SSPN: variants seen among roughly 807,000 people sequenced by gnomAD.
SSPN encodes sarcospan.
A neutral mutation model predicts 19.1 loss-of-function variants in SSPN; 15 were observed. The ratio of observed to expected loss-of-function variants is 0.78; its 90% CI spans 0.52 to 1.21. The LOEUF is 1.21. SSPN is among the 50% of genes most tolerant of loss of function. The pLI is 0.00. For synonymous variants in SSPN, 147 were observed against 140.3 expected (o/e 1.05, Z -0.34); for missense variants, 291 against 314.0 (o/e 0.93, Z 0.55).
chr12:26,124,827 C>CAAT, intron 1 of SSPN: 1 of 1,592,948 alleles, frequency 6.3e-7, no homozygotes, highest in Non-Finnish European at 8.6e-7. Flanking sequence ...GGGCTCTGTA[C>CAAT]AATAATCTGT....
At chr12:26,122,716 G>C (rs779912772) in intron 1 of SSPN, 1 of 1,590,168 alleles carries the variant, frequency 6.3e-7, no homozygotes. Flanking sequence ...GGAGGCTCCT[G>C]CTTGATGGTG....
intron 1 of SSPN, among the ~76,000 whole-genome samples, chr12:26,185,420 G>T (rs1451388996): frequency 6.6e-6 from 1 of 152,162 alleles, no homozygotes; most frequent in Non-Finnish European, 1.5e-5. Flanking sequence ...TTAGTATTGA[G>T]GTCTGCTGTC....
Position 26,140,527 on chromosome 12 carries a change from A to G in SSPN, c.-31+18375A>G, listed in dbSNP as rs1944454254. Among the ~76,000 whole-genome samples the G allele has an allele frequency of 4.6e-5, 7 of 152,160 alleles. No homozygotes were observed. In the South Asian group the frequency reaches 1.4e-3, roughly 31 times the overall value. ...TGTCCCCGCCCAAATCTCATGTTGA[A>G]TTGTAATCCCCAGTATTGGAAAAGG... is the stretch of plus-strand genomic sequence containing the variant. On this transcript the variant is annotated intron_variant, in intron 1 of 2. Transcript: ENST00000538142.
chr12:26,180,015 T>C (rs1944709365), intron 1 of SSPN: 1 of 147,178 alleles, frequency 6.8e-6, no homozygotes, highest in Non-Finnish European at 1.5e-5. Context: ...TGCCCTGGCT[T>C]GAGGATGTGC....
chr12:26,202,586 T>G (rs1027510804), intron 1 of SSPN, among the ~76,000 whole-genome samples: 3 of 152,218 alleles, frequency 2.0e-5, no homozygotes, highest in Admixed American at 2.0e-4. Flanking sequence ...TGGCATAGGT[T>G]TCTCTAATGT....
chr12:26,147,611 T>G (rs1375928334), intron 1 of SSPN, among the ~76,000 whole-genome samples: 2 of 152,210 alleles, frequency 1.3e-5, no homozygotes, highest in African/African-American at 2.4e-5. Context: ...ATGGAGGTAT[T>G]TTTTGATTAC....
chr12:26,215,359 T>C (rs778018640), intron 1 of SSPN, among the ~76,000 whole-genome samples: 1 of 152,192 alleles, frequency 6.6e-6, no homozygotes, highest in African/African-American at 2.4e-5. Flanking sequence ...CAATTAGTAA[T>C]GAGTAATGTG....
At chr12:26,180,539 G>A (rs1356967230) in intron 1 of SSPN, 1 of 152,140 alleles carries the variant, frequency 6.6e-6, no homozygotes, top group Non-Finnish European at 1.5e-5. Context: ...CTACATTTAA[G>A]AAATTCGATT....
intron 1 of SSPN, among the ~76,000 whole-genome samples, chr12:26,140,183 T>G (rs1335031379): frequency 6.6e-6 from 1 of 152,234 alleles, no homozygotes; most frequent in Non-Finnish European, 1.5e-5. Flanking sequence ...AATAACTGTA[T>G]GAAATCATGA....
chr12:26,148,538 T>G (rs919642135), intron 1 of SSPN, among the ~76,000 whole-genome samples: 1 of 152,186 alleles, frequency 6.6e-6, no homozygotes, highest in Non-Finnish European at 1.5e-5. Flanking sequence ...AATTCAAGGC[T>G]TGGAGCAGGC....
chr12:26,211,765 C>T (rs1180467069), intron 1 of SSPN: 1 of 152,130 alleles, frequency 6.6e-6, no homozygotes, highest in East Asian at 1.9e-4. Context: ...ATTTTTCTTC[C>T]CACTCTTTCT....
chr12:26,138,201 G>T (rs1317448346), intron 1 of SSPN, among the ~76,000 whole-genome samples: 3 of 152,030 alleles, frequency 2.0e-5, no homozygotes, highest in African/African-American at 7.3e-5. Flanking sequence ...AATTTGTATT[G>T]TTATTTATTT....
intron 1 of SSPN, chr12:26,122,199 G>T: frequency 1.4e-6 from 2 of 1,396,278 alleles, no homozygotes; most frequent in East Asian, 5.9e-5. Context: ...CCCAAGGGGC[G>T]CCACCTCGTG....
rs550570902 is a variant in SSPN at position 26,166,893 on chromosome 12, G to A, written c.-31+44741G>A. On this transcript the variant is annotated intron_variant, in intron 1 of 2. Transcript: ENST00000538142. Reference sequence around the variant, plus strand: ...TGAACTGTGGAATAAGCAATATGGCGAAAGAGTGTAAATGTAGTGTTATCT... The same window carrying A: ...TGAACTGTGGAATAAGCAATATGGCAAAAGAGTGTAAATGTAGTGTTATCT... Among the ~76,000 whole-genome samples the A allele has an allele frequency of 1.1e-3, 164 of 152,296 alleles. 1 individual carries two copies. Among genetic ancestry groups the A allele is most frequent in the African/African-American group, 3.8e-3 (160 of 41,568 alleles).
chr12:26,224,236 C>A, intron 1 of SSPN, 57 bp from the exon 2 acceptor site: 3 of 1,235,884 alleles, frequency 2.4e-6, no homozygotes, highest in South Asian at 2.4e-5. Flanking sequence ...AGACTGATGT[C>A]ATTTGAACGC....
chr12:26,123,163 G>C, intron 1 of SSPN: 1 of 1,590,024 alleles, frequency 6.3e-7, no homozygotes, highest in Non-Finnish European at 8.6e-7. Flanking sequence ...TTCAGAGATC[G>C]CTCCCCTAGG....
chr12:26,225,117 CT>C (rs577187745), intron 2 of SSPN, among the ~76,000 whole-genome samples: 563 of 147,456 alleles, frequency 3.8e-3, no homozygotes, highest in Non-Finnish European at 5.3e-3. Context: ...TATCTTTAAT[CT>C]TTTTTTTTTT....
intron 1 of SSPN, chr12:26,123,569 C>T (rs1433276909): frequency 1.7e-6 from 2 of 1,183,426 alleles, no homozygotes; most frequent in Non-Finnish European, 1.3e-6. Context: ...AGTCCTGACA[C>T]TGCTCCCCTG....
intron 1 of SSPN, among the ~76,000 whole-genome samples, chr12:26,186,326 A>G (rs1944754198): frequency 6.6e-6 from 1 of 152,244 alleles, no homozygotes; most frequent in Non-Finnish European, 1.5e-5. Context: ...TTAGGTTAAT[A>G]AAAGAGCAAC....
Sources: allele counts gnomAD v4.1 joint callset (sites outside exome capture counted in the v4.1 genomes callset), GRCh38; gene constraint gnomAD v4.1.1; transcripts MANE v1.5; gene names NCBI Gene and HGNC (gene_info 2026-07-23, HGNC 2026-07-21).